The following PRKAG2 variants were observed in gnomAD, a reference collection of about 807,000 sequenced individuals.
The protein encoded by PRKAG2 is protein kinase AMP-activated non-catalytic subunit gamma 2, also known as 5'-AMP-activated protein kinase subunit gamma-2.
A neutral mutation model predicts 69.6 loss-of-function variants in PRKAG2; 26 were observed. That is an observed-to-expected ratio of 0.37 (90% CI 0.27 to 0.52). The LOEUF (loss-of-function observed/expected upper bound fraction) is 0.52. Ranked by LOEUF, PRKAG2 falls within the 20% of genes least tolerant of loss-of-function variation. PRKAG2 has a pLI of 0.90. For missense variants in PRKAG2, 557 were observed against 740.0 expected, an observed-to-expected ratio of 0.75 and a Z score of 2.87; for synonymous variants, 293 against 285.0, an observed-to-expected ratio of 1.03 and a Z score of -0.28.
At chr7:151,634,586 T>C (rs1825404823) in intron 4 of PRKAG2, among the ~76,000 whole-genome samples, 1 of 152,210 alleles carries the variant, frequency 6.6e-6, no homozygotes, top group East Asian at 1.9e-4. Context: ...CCTATAGGGT[T>C]AGCCCTGCTC....
intron 3 of PRKAG2, among the ~76,000 whole-genome samples, chr7:151,725,287 T>A (rs1392341751): frequency 6.6e-6 from 1 of 152,058 alleles, no homozygotes; most frequent in African/African-American, 2.4e-5. Flanking sequence ...AACAGGCCAG[T>A]CACAAACAAA....
chr7:151,771,275 A>G lies in PRKAG2; in HGVS notation c.466+9877T>C, dbSNP rs537138666. Among the ~76,000 whole-genome samples the G allele has an allele frequency of 3.3e-5, 5 of 152,312 alleles. No homozygotes were observed. In the South Asian group the frequency reaches 6.2e-4, roughly 19 times the overall value. ...CATTTTTGGCATTTTAAAATAAAAC[A>G]TTATATCACTTCTATCAGCACCACG... On this transcript the variant is annotated intron_variant, in intron 3 of 15. Coordinates refer to ENST00000287878, the MANE Select transcript of PRKAG2 (RefSeq NM_016203.4). This position sits in a 1 kb window ranked among gnomAD's most constrained non-coding sequence, Gnocchi z 4.0.
At chr7:151,741,642 C>G (rs1209129863) in intron 3 of PRKAG2, among the ~76,000 whole-genome samples, 1 of 150,812 alleles carries the variant, frequency 6.6e-6, no homozygotes, top group Non-Finnish European at 1.5e-5. Flanking sequence ...CCATTGCACT[C>G]CAGCCTGGGC....
At chr7:151,584,079 G>C (rs1244449343) in intron 6 of PRKAG2, among the ~76,000 whole-genome samples, 1 of 152,184 alleles carries the variant, frequency 6.6e-6, no homozygotes, top group African/African-American at 2.4e-5. Context: ...CGGTCGTCGA[G>C]ACTCTTCTCC....
chr7:151,779,096 T>C (rs1343850614), intron 3 of PRKAG2, among the ~76,000 whole-genome samples: 1 of 152,168 alleles, frequency 6.6e-6, no homozygotes, highest in Non-Finnish European at 1.5e-5. Flanking sequence ...TGTCAGTTAC[T>C]GAAAGAAAAC....
At chr7:151,686,909 A>C (rs1025201283) in intron 3 of PRKAG2, among the ~76,000 whole-genome samples, 3 of 152,226 alleles carry the variant, frequency 2.0e-5, no homozygotes, top group African/African-American at 7.2e-5. Flanking sequence ...CATCATGGTA[A>C]TATGGAAGGT....
intron 3 of PRKAG2, among the ~76,000 whole-genome samples, chr7:151,720,216 G>A (rs1231326067): frequency 2.6e-5 from 4 of 152,186 alleles, no homozygotes; most frequent in South Asian, 2.1e-4. Context: ...GTGACCACAA[G>A]GAAAGGTAGT....
rs1386454265 is a variant in PRKAG2, at chr7:151,581,179, AAG to A, written c.865-4729_865-4728del. Among the ~76,000 whole-genome samples the A allele has an allele frequency of 2.6e-5, 4 of 152,264 alleles. No individual in the cohort carries two copies. In the East Asian group the frequency reaches 7.7e-4, roughly 29 times the overall value. ...GTTAAATCGAGTGAAGAAGGAATAA[AAG>A]AACAAATCAATAGAAAAAGTGAAAA... On this transcript the variant is annotated intron_variant, in intron 6 of 15. Transcript: ENST00000287878.
At chr7:151,823,499 C>A (rs1240377981) in intron 1 of PRKAG2, among the ~76,000 whole-genome samples, 1 of 150,704 alleles carries the variant, frequency 6.6e-6, no homozygotes, top group Non-Finnish European at 1.5e-5. Flanking sequence ...TGGGTGCAGA[C>A]CCCTCTCCTA....
At chr7:151,576,487 A>G in intron 6 of PRKAG2, 35 bp from the exon 7 acceptor site, 1 of 1,517,766 alleles carries the variant, frequency 6.6e-7, no homozygotes, top group Non-Finnish European at 9.1e-7. Context: ...ACATACTTTC[A>G]AAGTCCAGGA....
At chr7:151,743,325 G>A (rs963602204) in intron 3 of PRKAG2, among the ~76,000 whole-genome samples, 4 of 152,306 alleles carry the variant, frequency 2.6e-5, no homozygotes, top group South Asian at 2.1e-4. Context: ...AATTCGGGTG[G>A]CAGATGCCTT....
Position 151,699,886 on chromosome 7 carries a change from G to A in PRKAG2, c.467-24249C>T, listed in dbSNP as rs947200223. ...ACTAAGATAAACTGGGGTACATAGCGGAGGAAGAAGGGAGTAGAGGGGCAG... is the reference window on the plus strand; with the variant it reads ...ACTAAGATAAACTGGGGTACATAGCAGAGGAAGAAGGGAGTAGAGGGGCAG... On this transcript the variant is annotated intron_variant, in intron 3 of 15. Coordinates refer to ENST00000287878, the MANE Select transcript of PRKAG2 (RefSeq NM_016203.4). This position sits in a 1 kb window ranked among gnomAD's most constrained non-coding sequence, Gnocchi z 4.5. 2.0e-5 allele frequency among the ~76,000 whole-genome samples: 3 copies of A among 152,174 alleles called. No individual in the cohort carries two copies. Among genetic ancestry groups the A allele is most frequent in the East Asian group, 3.9e-4 (2 of 5,188 alleles).
intron 1 of PRKAG2, among the ~76,000 whole-genome samples, chr7:151,870,150 TA>T (rs2080182168): frequency 7.8e-6 from 1 of 128,058 alleles, no homozygotes; most frequent in African/African-American, 2.8e-5. Context: ...GATAGATAGA[TA>T]GATAGGCAGG....
intron 5 of PRKAG2, among the ~76,000 whole-genome samples, chr7:151,615,646 A>T (rs767261459): frequency 6.6e-6 from 1 of 152,212 alleles, no homozygotes; most frequent in Admixed American, 6.5e-5. Context: ...AATGGGAGAA[A>T]ATATTTACAA....
chr7:151,792,393 C>T lies in PRKAG2; in HGVS notation c.115-5852G>A, dbSNP rs2077305689. Among the ~76,000 whole-genome samples, 3 of 152,324 alleles carry T rather than the reference C, an allele frequency of 2.0e-5. No homozygotes were observed. In the South Asian group the frequency reaches 6.2e-4, roughly 32 times the overall value. On this transcript the variant is annotated intron_variant, in intron 1 of 15. Transcript: ENST00000287878. ...TTGGAGTCACATACAGCTCCTCCTG[C>T]CCCCGGCCCGCTACTTATCCCAATA...
chr7:151,675,674 C>A, intron 3 of PRKAG2, 37 bp from the exon 4 acceptor site: 1 of 1,571,800 alleles, frequency 6.4e-7, no homozygotes, highest in Non-Finnish European at 8.7e-7. Flanking sequence ...AGAGGTCCGG[C>A]TTCCAGGAAG....
In PRKAG2 at chr7:151,736,699, G is replaced by A. The variant is rs1018803264; in HGVS notation, c.466+44453C>T. 6.6e-5 allele frequency among the ~76,000 whole-genome samples: 10 copies of A among 152,204 alleles called. 1 individual carries two copies. Among genetic ancestry groups the A allele is most frequent in the African/African-American group, 1.9e-4 (8 of 41,450 alleles). On this transcript the variant is annotated intron_variant, in intron 3 of 15. Coordinates refer to ENST00000287878, the MANE Select transcript of PRKAG2 (RefSeq NM_016203.4). ...AATTGCTGAATCTACCCTGGCTCAC[G>A]GTTCCACTCAATGAAAGCAGCAATG...
rs748531287 is a variant in PRKAG2 at position 151,614,514 on chromosome 7, G to C, written c.754+17555C>G. Reference sequence around the variant, plus strand: ...AGTCAGTGGACGTCTCTGAGACCCTGCTCCCTCCATCGTGACTCTCCGTCC... The same window carrying C: ...AGTCAGTGGACGTCTCTGAGACCCTCCTCCCTCCATCGTGACTCTCCGTCC... On this transcript the variant is annotated intron_variant, in intron 5 of 15. Coordinates refer to ENST00000287878, the MANE Select transcript of PRKAG2 (RefSeq NM_016203.4). The surrounding 1 kb of genome is among the most constrained non-coding windows in gnomAD (Gnocchi z 4.4). 2.2e-4 allele frequency among the ~76,000 whole-genome samples: 33 copies of C among 152,106 alleles called. No individual in the cohort carries two copies. Among genetic ancestry groups the C allele is most frequent in the Non-Finnish European group, 1.5e-5 (1 of 68,006 alleles).
intron 5 of PRKAG2, among the ~76,000 whole-genome samples, chr7:151,620,468 CTTTGTTTTTTTGT>C (rs1821214508): frequency 6.6e-6 from 1 of 151,216 alleles, no homozygotes; most frequent in African/African-American, 2.4e-5. Flanking sequence ...CAATAGATGG[CTTTGTTTTTTTGT>C]TTTGTTTTTT....
Sources: allele counts gnomAD v4.1 joint callset (sites outside exome capture counted in the v4.1 genomes callset), GRCh38; gene constraint gnomAD v4.1.1; non-coding constraint Gnocchi (gnomAD v3.1); transcripts MANE v1.5; gene names NCBI Gene and HGNC (gene_info 2026-07-23, HGNC 2026-07-21).